Variants in COL22A1 observed in about 807,000 individuals in gnomAD.
The protein encoded by COL22A1 is collagen type XXII alpha 1 chain.
COL22A1 carries 221 observed loss-of-function variants against 248.9 expected under a neutral mutation model. The ratio of observed to expected loss-of-function variants is 0.89; its 90% CI spans 0.80 to 0.99. The LOEUF (loss-of-function observed/expected upper bound fraction) is 0.99, where lower values mean the gene tolerates loss of function less well. COL22A1 is among the 50% of genes least tolerant of loss of function. COL22A1 has a pLI of 0.00. For synonymous variants in COL22A1, 891 were observed against 793.4 expected, an observed-to-expected ratio of 1.12 and a Z score of -2.07; for missense variants, 2,240 against 2,179.0, an observed-to-expected ratio of 1.03 and a Z score of -0.56.
intron 22 of COL22A1, among the ~76,000 whole-genome samples, chr8:138,751,116 G>T (rs1232425062): frequency 6.6e-6 from 1 of 151,978 alleles, no homozygotes; most frequent in Non-Finnish European, 1.5e-5. Flanking sequence ...TTCAATAATG[G>T]CATGGATATA....
chr8:138,630,746 C>T lies in COL22A1; in HGVS notation c.3612G>A (p.Gly1204=). 6.2e-7 allele frequency: 1 copy of T among 1,613,766 alleles called. No homozygotes were observed. The change falls in exon 50 of 65, where the codon GGG becomes GGA. Residue 1204 remains glycine, a splice_region_variant and synonymous_variant. Transcript: ENST00000303045. ...MGPPGNPGPP[G]ADGIAGAAGP... ...CAGCAGCTCCTGCAATTCCATCTGC[C>T]CCCTAAAAAAGACAAGGCAGAAAGC...
Position 138,751,528 on chromosome 8 carries a change from A to G in COL22A1, c.2032-17T>C, listed in dbSNP as rs778115259. The G allele has an allele frequency of 2.5e-6, 4 of 1,593,442 alleles. No individual in the cohort carries two copies. Among genetic ancestry groups the G allele is most frequent in the Non-Finnish European group, 8.6e-7 (1 of 1,165,848 alleles). On this transcript the variant is annotated splice_polypyrimidine_tract_variant and intron_variant, in intron 21 of 64. Coordinates refer to ENST00000303045, the MANE Select transcript of COL22A1 (RefSeq NM_152888.3). ...TATTGGACCCTTTAGGAGGGAGAAA[A>G]AGGAAAAAGAGAGAGAAACATAATG...
intron 1 of COL22A1, among the ~76,000 whole-genome samples, chr8:138,898,373 A>C (rs1814286039): frequency 6.6e-6 from 1 of 152,166 alleles, no homozygotes; most frequent in African/African-American, 2.4e-5. Context: ...AATATTCAAG[A>C]AGGAAAGTGA....
intron 17 of COL22A1, 65 bp downstream of exon 17, chr8:138,762,348 G>T: frequency 1.3e-6 from 2 of 1,501,290 alleles, no homozygotes; most frequent in Non-Finnish European, 9.3e-7. Flanking sequence ...TTTATGTGGG[G>T]TCTGGTCATT....
At chr8:138,599,010 T>G in intron 60 of COL22A1, 112 bp from the exon 61 acceptor site, 2 of 1,170,436 alleles carry the variant, frequency 1.7e-6, no homozygotes, top group Non-Finnish European at 1.2e-6. Context: ...AAGGGAGACC[T>G]TGGCCCTGGG....
At chr8:138,886,737 C>T (rs866274777) in intron 1 of COL22A1, among the ~76,000 whole-genome samples, 3 of 152,138 alleles carry the variant, frequency 2.0e-5, no homozygotes, top group Non-Finnish European at 2.9e-5. Flanking sequence ...TGGATCCTCA[C>T]GTTCATGCTA....
At chr8:138,706,844 CAGAAG>C (rs1295890564) in intron 30 of COL22A1, among the ~76,000 whole-genome samples, 2 of 152,090 alleles carry the variant, frequency 1.3e-5, no homozygotes, top group Admixed American at 1.3e-4. Flanking sequence ...CCAATGAATC[CAGAAG>C]CTGGTTTTTT....
chr8:138,707,118 C>A (rs543618050), intron 30 of COL22A1, among the ~76,000 whole-genome samples: 1 of 152,304 alleles, frequency 6.6e-6, no homozygotes, highest in African/African-American at 2.4e-5. Context: ...AGAACAATAA[C>A]AGGCTCTGAA....
intron 16 of COL22A1, among the ~76,000 whole-genome samples, chr8:138,768,826 A>G (rs958298747): frequency 7.9e-5 from 12 of 152,112 alleles, no homozygotes; most frequent in African/African-American, 2.9e-4. Flanking sequence ...AATCCCAGCT[A>G]TTCGGGAGGC....
intron 1 of COL22A1, among the ~76,000 whole-genome samples, chr8:138,912,270 G>A (rs376338232): frequency 5.3e-5 from 8 of 152,194 alleles, no homozygotes; most frequent in African/African-American, 1.4e-4. Flanking sequence ...GCTGGGCAGC[G>A]TACCCCATGC....
At chr8:138,878,513 T>C (rs1823928220) in intron 2 of COL22A1, among the ~76,000 whole-genome samples, 197 bp from the exon 3 acceptor site, 1 of 152,040 alleles carries the variant, frequency 6.6e-6, no homozygotes, top group South Asian at 2.1e-4. Flanking sequence ...AATGATGAGT[T>C]TTCCCCAAGA....
intron 37 of COL22A1, among the ~76,000 whole-genome samples, chr8:138,686,499 T>C (rs749541584): frequency 7.9e-5 from 12 of 152,166 alleles, no homozygotes; most frequent in Non-Finnish European, 1.3e-4. Flanking sequence ...GGAGAGGGCC[T>C]CTCTCCAAGC....
At chr8:138,592,321 T>C (rs757636407) in intron 63 of COL22A1, among the ~76,000 whole-genome samples, 7 of 152,326 alleles carry the variant, frequency 4.6e-5, no homozygotes, top group Middle Eastern at 3.4e-3. Context: ...TTTTGCCATA[T>C]TGTTTCTTGA....
At chr8:138,616,718 C>A (rs1053276555) in intron 54 of COL22A1, among the ~76,000 whole-genome samples, 196 bp downstream of exon 54, 5 of 152,230 alleles carry the variant, frequency 3.3e-5, no homozygotes, top group East Asian at 3.9e-4. Context: ...CCAGAAAAAC[C>A]ACCTGAGGGA....
Position 138,623,729 on chromosome 8 carries a change from T to C in COL22A1, c.3771+3A>G. ...ATATAATAGGAAGTTTAGAGTCCTT[T>C]ACCGGCTCTCCAGGGGGACCCGGCT... is the stretch of plus-strand genomic sequence containing the variant. On this transcript the variant is annotated splice_donor_region_variant and intron_variant, in intron 52 of 64. Coordinates refer to ENST00000303045, the MANE Select transcript of COL22A1 (RefSeq NM_152888.3). 6.2e-7 allele frequency: 1 copy of C among 1,611,286 alleles called. No individual in the cohort carries two copies. The highest frequency in any genetic ancestry group is 8.5e-7 in the Non-Finnish European group (1 of 1,179,004).
chr8:138,832,943 C>T lies in COL22A1; in HGVS notation c.845+96G>A, dbSNP rs16909676. 1,329 of 786,052 alleles carry T rather than the reference C, an allele frequency of 1.7e-3. 11 individuals are homozygous for T. In the African/African-American group the frequency reaches 0.02, roughly 12 times the overall value. 48.7% of individuals were successfully genotyped at this position (786,052 alleles called of 1,614,324 possible). The stretch of plus-strand genomic sequence containing the variant: ...ACAAGGCACTGAGAAGGTTAAAGCC[C>T]GGCTCGGTGCCAAGTATGAAACAGG... On this transcript the variant is annotated intron_variant, in intron 5 of 64. Coordinates refer to ENST00000303045, the MANE Select transcript of COL22A1 (RefSeq NM_152888.3).
chr8:138,708,480 C>A (rs1176872887), intron 30 of COL22A1, among the ~76,000 whole-genome samples: 2 of 152,146 alleles, frequency 1.3e-5, no homozygotes, highest in Non-Finnish European at 2.9e-5. Flanking sequence ...AGAAATAATA[C>A]CACACATCTA....
intron 20 of COL22A1, 64 bp from the exon 21 acceptor site, chr8:138,755,274 T>A: frequency 6.6e-7 from 1 of 1,511,446 alleles, no homozygotes; most frequent in South Asian, 1.1e-5. Context: ...AGGCCCACCA[T>A]CACCCATGGC....
chr8:138,636,750 C>T lies in COL22A1; in HGVS notation c.3547G>A (p.Gly1183Ser). Residue 1183 changes from glycine (G) to serine (S), a missense_variant, in exon 48 of 65, where the codon GGT becomes AGT. Coordinates refer to ENST00000303045, the MANE Select transcript of COL22A1 (RefSeq NM_152888.3). Reference protein sequence around the residue: ...RGADGEVGQKGDQGHPGVPGF... With the variant: ...RGADGEVGQKSDQGHPGVPGF... Reference sequence around the variant, plus strand: ...ATAAAGTAAATTTTTACCTGATCACCTTTCTGCCCAACCTCACCATCTGCA... The same window carrying T: ...ATAAAGTAAATTTTTACCTGATCACTTTTCTGCCCAACCTCACCATCTGCA... 6.2e-7 allele frequency: 1 copy of T among 1,613,242 alleles called. No individual in the cohort carries two copies. The highest frequency in any genetic ancestry group is 1.1e-5 in the South Asian group (1 of 91,046).
Sources: gnomAD v4.1 joint callset for allele counts (sites outside exome capture counted in the v4.1 genomes callset) on GRCh38, gnomAD v4.1.1 for gene constraint, MANE v1.5 for transcripts, NCBI Gene and HGNC (gene_info 2026-07-23, HGNC 2026-07-21) for gene names.